The following WDR72 variants were observed in gnomAD, a reference collection of about 807,000 sequenced individuals.
WDR72 encodes WD repeat domain 72.
In WDR72, 120 loss-of-function variants were observed where a neutral mutation model predicts 124.2. The observed-to-expected ratio is 0.97, with a 90% CI of 0.83 to 1.12. WDR72 has a LOEUF of 1.12. Ranked by LOEUF, WDR72 falls within the 50% of genes most tolerant of loss-of-function variation. The pLI is 0.00. For missense variants in WDR72, 1,387 were observed against 1,278.8 expected (o/e 1.08, Z -1.29); for synonymous variants, 452 against 441.7 (o/e 1.02, Z -0.29).
Position 53,697,915 on chromosome 15 carries a change from TCTC to T in WDR72, c.1765+1832_1765+1834del, listed in dbSNP as rs1671539026. Among the ~76,000 whole-genome samples, 2 of 152,104 alleles carry T rather than the reference TCTC, an allele frequency of 1.3e-5. 1 individual carries two copies. Among genetic ancestry groups the T allele is most frequent in the South Asian group, 4.1e-4 (2 of 4,828 alleles). On this transcript the variant is annotated intron_variant, in intron 13 of 19. Coordinates refer to ENST00000360509, the MANE Select transcript of WDR72 (RefSeq NM_182758.4). ...GCTCCGCCTCCCGGGTTCACGCCAT[TCTC>T]CTGCCTCAGCCTCCCGAGTAGCTGG...
rs2017341621 is a variant in WDR72 at position 53,705,988 on chromosome 15, T to C, written c.1041A>G (p.Gly347=). The part of the protein sequence containing the change: ...YKVLFSGEVS[G]RITLWHIPDV... ...CAGGGATGTGCCACAAAGTAATTCTTCCTGAGACTTCTCCAGAGAAAAGTA... is the reference window on the plus strand; with the variant it reads ...CAGGGATGTGCCACAAAGTAATTCTCCCTGAGACTTCTCCAGAGAAAAGTA... Residue 347 remains glycine (G), a synonymous_variant, in exon 10 of 20, where the codon GGA becomes GGG. Transcript: ENST00000360509. 1 of 1,614,102 alleles carries C rather than the reference T, an allele frequency of 6.2e-7. No homozygotes were observed. The highest frequency in any genetic ancestry group is 1.3e-5 in the African/African-American group (1 of 75,036).
intron 18 of WDR72, among the ~76,000 whole-genome samples, chr15:53,587,647 G>A (rs1448769462): frequency 6.6e-6 from 1 of 151,976 alleles, no homozygotes; most frequent in Non-Finnish European, 1.5e-5. Flanking sequence ...TGAGAGCACT[G>A]AGATCCACTA....
At chr15:53,676,681 ATATT>A (rs1444122464) in intron 13 of WDR72, among the ~76,000 whole-genome samples, 5 of 152,180 alleles carry the variant, frequency 3.3e-5, no homozygotes, top group Non-Finnish European at 5.9e-5. Context: ...GTTGGCTGAC[ATATT>A]TATTTTGCCT....
chr15:53,544,260 C>G (rs1348444521), intron 18 of WDR72, among the ~76,000 whole-genome samples: 3 of 136,278 alleles, frequency 2.2e-5, no homozygotes, highest in East Asian at 4.2e-4. Context: ...CAAAAATCCT[C>G]AATAAAATAC....
intron 8 of WDR72, 37 bp downstream of exon 8, chr15:53,711,299 C>T: frequency 6.2e-7 from 1 of 1,613,910 alleles, no homozygotes; most frequent in Non-Finnish European, 8.5e-7. Flanking sequence ...TCATTTTCTA[C>T]CTGAATGTTT....
At position 53,711,399 on chromosome 15, in the gene WDR72, G is replaced by A; in HGVS notation, c.794C>T (p.Ala265Val). Residue 265 changes from alanine to valine, a missense_variant, in exon 8 of 20, where the codon GCT (alanine) becomes GTT (valine). Ala to Val is a moderately conservative substitution (Grantham distance 64). Transcript: ENST00000360509. ...GQFFAGGEVI[A>V]AHRILIWTED... Reference sequence around the variant, plus strand: ...TGTCCAGATGAGGATTCTGTGAGCAGCAATCACTTCTCCACCAGCAAAGAA... The same window carrying A: ...TGTCCAGATGAGGATTCTGTGAGCAACAATCACTTCTCCACCAGCAAAGAA... 6.2e-7 allele frequency: 1 copy of A among 1,614,122 alleles called. No individual in the cohort carries two copies. Among genetic ancestry groups the A allele is most frequent in the Non-Finnish European group, 8.5e-7 (1 of 1,180,026 alleles).
chr15:53,711,255 T>G (rs1278693762), intron 8 of WDR72, 81 bp downstream of exon 8: 2 of 1,595,396 alleles, frequency 1.3e-6, no homozygotes, highest in South Asian at 1.1e-5. Context: ...ATGGGCAGCA[T>G]GCAGGGATTT....
chr15:53,572,821 G>A (rs960018771), intron 18 of WDR72, among the ~76,000 whole-genome samples: 1 of 152,152 alleles, frequency 6.6e-6, no homozygotes, highest in Non-Finnish European at 1.5e-5. Context: ...GAATGCTCCC[G>A]AACCTTACAG....
intron 14 of WDR72, among the ~76,000 whole-genome samples, chr15:53,637,319 C>G (rs139495834): frequency 3.8e-4 from 58 of 152,294 alleles, no homozygotes; most frequent in African/African-American, 1.2e-3. Context: ...CAACGTTTCT[C>G]TCCTTCCGCA....
At chr15:53,676,717 C>A (rs1442252359) in intron 13 of WDR72, among the ~76,000 whole-genome samples, 2 of 152,210 alleles carry the variant, frequency 1.3e-5, no homozygotes, top group East Asian at 3.9e-4. Context: ...AAATAGAGAA[C>A]CTGGTTGAGT....
At chr15:53,648,576 A>G (rs111874072) in intron 14 of WDR72, among the ~76,000 whole-genome samples, 1 of 151,956 alleles carries the variant, frequency 6.6e-6, no homozygotes, top group African/African-American at 2.4e-5. Flanking sequence ...CAAAGGACAA[A>G]TTTTTTTTAA....
chr15:53,657,328 A>C (rs1200472657), intron 14 of WDR72, among the ~76,000 whole-genome samples: 1 of 151,682 alleles, frequency 6.6e-6, no homozygotes, highest in African/African-American at 2.4e-5. Context: ...AAAAAGTCTA[A>C]ATAAGCTAAA....
chr15:53,546,665 A>T (rs1186027468), intron 18 of WDR72, among the ~76,000 whole-genome samples: 1 of 152,194 alleles, frequency 6.6e-6, no homozygotes, highest in African/African-American at 2.4e-5. Flanking sequence ...AAAGTATAAT[A>T]ATAATAAAAA....
intron 14 of WDR72, among the ~76,000 whole-genome samples, chr15:53,633,275 A>G (rs997804287): frequency 6.6e-6 from 1 of 152,100 alleles, no homozygotes; most frequent in Non-Finnish European, 1.5e-5. Flanking sequence ...AGTGTGTGGC[A>G]TCTCCCCATA....
intron 1 of WDR72, among the ~76,000 whole-genome samples, chr15:53,756,165 G>A (rs1008295944): frequency 1.3e-5 from 2 of 152,148 alleles, no homozygotes; most frequent in South Asian, 2.1e-4. Flanking sequence ...GGACCCAGTG[G>A]GAGGTAATTG....
At chr15:53,749,179 T>C (rs1239287307) in intron 1 of WDR72, among the ~76,000 whole-genome samples, 1 of 152,202 alleles carries the variant, frequency 6.6e-6, no homozygotes, top group Non-Finnish European at 1.5e-5. Flanking sequence ...TGTGTTTTTT[T>C]ACAAATTCAA....
At chr15:53,689,167 C>T (rs1348077998) in intron 13 of WDR72, among the ~76,000 whole-genome samples, 41 of 152,214 alleles carry the variant, frequency 2.7e-4, no homozygotes, top group Middle Eastern at 3.4e-3. Context: ...CAGGACTTCA[C>T]GTCTAAAACA....
chr15:53,656,642 T>C (rs1459093011), intron 14 of WDR72, among the ~76,000 whole-genome samples: 2 of 152,144 alleles, frequency 1.3e-5, no homozygotes, highest in Admixed American at 1.3e-4. Flanking sequence ...ACAAGAAAGA[T>C]TTTATTCTCC....
intron 14 of WDR72, among the ~76,000 whole-genome samples, chr15:53,661,607 C>G (rs1024404185): frequency 1.3e-5 from 2 of 151,976 alleles, no homozygotes; most frequent in African/African-American, 4.8e-5. Flanking sequence ...AATACTTATC[C>G]CTGGTCTAGT....
Sources: allele counts gnomAD v4.1 joint callset (sites outside exome capture counted in the v4.1 genomes callset), GRCh38; gene constraint gnomAD v4.1.1; transcripts MANE v1.5; gene names NCBI Gene and HGNC (gene_info 2026-07-23, HGNC 2026-07-21).